Variants in IL11RA observed in about 807,000 individuals in gnomAD.
IL11RA encodes the protein interleukin-11 receptor subunit alpha.
A neutral mutation model predicts 57.0 loss-of-function variants in IL11RA; 51 were observed. The ratio of observed to expected loss-of-function variants is 0.89; its 90% CI spans 0.71 to 1.13. The LOEUF (loss-of-function observed/expected upper bound fraction) is 1.13. IL11RA is among the 50% of genes most tolerant of loss of function. The pLI is 0.00. For synonymous variants in IL11RA, 199 were observed against 217.5 expected (o/e 0.91, Z 0.75); for missense variants, 498 against 539.4 (o/e 0.92, Z 0.76).
Position 34,658,337 on chromosome 9 carries a change from C to T in IL11RA, c.647-183C>T, listed in dbSNP as rs146338232. On this transcript the variant is annotated intron_variant, in intron 7 of 12. Coordinates refer to ENST00000441545, the MANE Select transcript of IL11RA (RefSeq NM_001142784.3). The surrounding 1 kb of genome is among the most constrained non-coding windows in gnomAD (Gnocchi z 4.0). ...GATTACAGGCATGAGCCACCACACG[C>T]GGCCTCAGCCCATTTCATAATACAG... is the stretch of plus-strand genomic sequence containing the variant. 1.4e-4 allele frequency among the ~76,000 whole-genome samples: 22 copies of T among 152,318 alleles called. No homozygotes were observed. In the East Asian group the frequency reaches 3.1e-3, roughly 21 times the overall value.
At chr9:34,659,982 G>T (rs768122070) in intron 9 of IL11RA, 82 bp downstream of exon 9, 3 of 1,536,298 alleles carry the variant, frequency 2.0e-6, no homozygotes, top group Non-Finnish European at 2.7e-6. Context: ...AGACAGGCAG[G>T]TGGCACATGC....
At position 34,658,513 on chromosome 9, in the gene IL11RA, C is replaced by T. The variant is rs760834897; in HGVS notation, c.647-7C>T. ...CCTACCCTGACTTTGTGTCTTGATGCCCTTAGTGCGCCCTGACCCACCCCA... is the reference window on the plus strand; with the variant it reads ...CCTACCCTGACTTTGTGTCTTGATGTCCTTAGTGCGCCCTGACCCACCCCA... On this transcript the variant is annotated splice_region_variant and splice_polypyrimidine_tract_variant and intron_variant, in intron 7 of 12. Coordinates refer to ENST00000441545, the MANE Select transcript of IL11RA (RefSeq NM_001142784.3). This position sits in a 1 kb window ranked among gnomAD's most constrained non-coding sequence, Gnocchi z 4.0. The T allele has an allele frequency of 3.7e-6, 6 of 1,614,146 alleles. No individual in the cohort carries two copies. Among genetic ancestry groups the T allele is most frequent in the Non-Finnish European group, 8.5e-7 (1 of 1,179,986 alleles).
intron 9 of IL11RA, 36 bp from the exon 10 acceptor site, chr9:34,660,238 G>T (rs1199128248): frequency 3.7e-6 from 6 of 1,613,952 alleles, no homozygotes. Flanking sequence ...GTCCCCACCA[G>T]CGTATGGACA....
At chr9:34,655,815 C>T in intron 3 of IL11RA, 150 bp downstream of exon 3, 1 of 738,632 alleles carries the variant, frequency 1.4e-6, no homozygotes, top group South Asian at 1.5e-5. Context: ...CCTTATTCAA[C>T]AGAAAATTCA....
rs1821459771 is a variant in IL11RA at position 34,661,659 on chromosome 9, GGTGCTT to G, written c.*164_*169del. 1.2e-6 allele frequency: 1 copy of G among 839,292 alleles called. No homozygotes were observed. The highest frequency in any genetic ancestry group is 2.0e-6 in the Non-Finnish European group (1 of 501,332). The allele number at this position is 839,292 out of a possible 1,614,324, so 52.0% of individuals were successfully genotyped here. ...CTGTATTTCAAATTTGCAGCTGAAAGGTGCTTGTACCTCTGATTTCACCCCAGAGTT... is the reference window on the plus strand; with the variant it reads ...CTGTATTTCAAATTTGCAGCTGAAAGGTACCTCTGATTTCACCCCAGAGTT... On this transcript the variant is annotated 3_prime_UTR_variant, in exon 13 of 13. Coordinates refer to ENST00000441545, the MANE Select transcript of IL11RA (RefSeq NM_001142784.3).
chr9:34,657,101 G>T lies in IL11RA; in HGVS notation c.398G>T (p.Ser133Ile). 6.2e-7 allele frequency: 1 copy of T among 1,614,184 alleles called. No individual in the cohort carries two copies. Among genetic ancestry groups the T allele is most frequent in the Non-Finnish European group, 8.5e-7 (1 of 1,180,038 alleles). ...TATGAGAACTTCTCTTGCACTTGGA[G>T]TCCCAGCCAGATCAGCGGTTTACCC... is the stretch of plus-strand genomic sequence containing the variant. Reference protein sequence around the residue: ...ADYENFSCTWSPSQISGLPTR... With the variant: ...ADYENFSCTWIPSQISGLPTR... The change falls in exon 5 of 13, where the codon AGT (serine) becomes ATT (isoleucine). Residue 133 changes from serine to isoleucine, a missense_variant. Coordinates refer to ENST00000441545, the MANE Select transcript of IL11RA (RefSeq NM_001142784.3).
In IL11RA at chr9:34,657,131, G is replaced by T; in HGVS notation, c.428G>T (p.Arg143Leu). ...SPSQISGLPTRYLTSYRKKTV... is the reference protein window; with the variant it reads ...SPSQISGLPTLYLTSYRKKTV... ...AGCCAGATCAGCGGTTTACCCACCCGCTACCTCACCTCCTACAGGTGTGTG... is the reference window on the plus strand; with the variant it reads ...AGCCAGATCAGCGGTTTACCCACCCTCTACCTCACCTCCTACAGGTGTGTG... The change falls in exon 5 of 13, where the codon CGC becomes CTC. Residue 143 changes from arginine (R) to leucine (L), a missense_variant. Coordinates refer to ENST00000441545, the MANE Select transcript of IL11RA (RefSeq NM_001142784.3). 6.2e-7 allele frequency: 1 copy of T among 1,613,920 alleles called. No homozygotes were observed. Among genetic ancestry groups the T allele is most frequent in the Non-Finnish European group, 8.5e-7 (1 of 1,179,814 alleles).
chr9:34,655,847 G>A (rs959784790), intron 3 of IL11RA, 182 bp downstream of exon 3: 7 of 670,498 alleles, frequency 1.0e-5, no homozygotes, highest in African/African-American at 8.8e-5. Flanking sequence ...TTGAGCATCT[G>A]CCAAGTGCCA....
Position 34,653,223 on chromosome 9 carries a change from C to T in IL11RA, c.-1+990C>T, listed in dbSNP as rs944017100. On this transcript the variant is annotated intron_variant, in intron 1 of 12. Coordinates refer to ENST00000441545, the MANE Select transcript of IL11RA (RefSeq NM_001142784.3). This position sits in a 1 kb window ranked among gnomAD's most constrained non-coding sequence, Gnocchi z 4.5. ...TAGGGGCTGTGTGCGTGTGTGACTG[C>T]GTGAGTGTATGAATATGTGTAAGTG... Among the ~76,000 whole-genome samples, 6 of 152,150 alleles carry T rather than the reference C, an allele frequency of 3.9e-5. No individual in the cohort carries two copies. The highest frequency in any genetic ancestry group is 2.1e-4 in the South Asian group (1 of 4,810).
rs1234076205 is a variant in IL11RA, at chr9:34,656,903, T to G, written c.326T>G (p.Leu109Arg). The part of the protein sequence containing the change: ...GALGGTVTLQ[L>R]GYPPARPVVS... ...CTTGGGGGCACAGTGACCCTGCAGC[T>G]GGGCTGTGAGTTGGGGAGGGTGGCA... The change falls in exon 4 of 13, where the codon CTG becomes CGG. Residue 109 changes from leucine to arginine, a missense_variant. Coordinates refer to ENST00000441545, the MANE Select transcript of IL11RA (RefSeq NM_001142784.3). 1 of 1,614,114 alleles carries G rather than the reference T, an allele frequency of 6.2e-7. No individual in the cohort carries two copies. Among genetic ancestry groups the G allele is most frequent in the East Asian group, 2.2e-5 (1 of 44,868 alleles).
chr9:34,656,620 A>C (rs1024324279), intron 3 of IL11RA, 119 bp from the exon 4 acceptor site: 1 of 1,138,634 alleles, frequency 8.8e-7, no homozygotes, highest in Non-Finnish European at 1.3e-6. Flanking sequence ...TTTGAAAGCC[A>C]GTAAAAGGAA....
Position 34,658,835 on chromosome 9 carries a change from A to G in IL11RA, c.810+152A>G. On this transcript the variant is annotated intron_variant, in intron 8 of 12. Transcript: ENST00000441545. The surrounding 1 kb of genome is among the most constrained non-coding windows in gnomAD (Gnocchi z 4.0). ...GGCTTTGTACTGGGTGCTGGGTTGC[A>G]GTGGTGACTGAGAGACTGAATGTCT... 1 of 822,314 alleles carries G rather than the reference A, an allele frequency of 1.2e-6. No individual in the cohort carries two copies. Among genetic ancestry groups the G allele is most frequent in the Admixed American group, 2.0e-5 (1 of 49,790 alleles). 50.9% of individuals were successfully genotyped at this position (822,314 alleles called of 1,614,324 possible).
rs1821316981 is a variant in IL11RA, at chr9:34,655,066, C to G, written c.1-152C>G. On this transcript the variant is annotated intron_variant, in intron 1 of 12. Transcript: ENST00000441545. ...CTGGGTATACAGTGGGAAAGGGGAC[C>G]TCAGGTCAGTTCCCGCAGTGATTTC... 6 of 684,462 alleles carry G rather than the reference C, an allele frequency of 8.8e-6. No individual in the cohort carries two copies. The East Asian group carries it at 1.6e-4, about 19-fold the overall frequency. The allele number at this position is 684,462 out of a possible 1,614,324, so 42.4% of individuals were successfully genotyped here. A position where few individuals can be genotyped will look rare whatever the true frequency, so the allele number is the denominator to read the frequency against.
rs772519921 is a variant in IL11RA at position 34,658,571 on chromosome 9, C to T, written c.698C>T (p.Pro233Leu). The change falls in exon 8 of 13, where the codon CCC (proline) becomes CTC (leucine). Residue 233 changes from proline (P) to leucine (L), a missense_variant. By Grantham distance (98) the Pro-to-Leu change is moderately conservative. Coordinates refer to ENST00000441545, the MANE Select transcript of IL11RA (RefSeq NM_001142784.3). The surrounding 1 kb of genome is among the most constrained non-coding windows in gnomAD (Gnocchi z 4.0). ...GLRVESVPGYPRRLRASWTYP... is the reference protein window; with the variant it reads ...GLRVESVPGYLRRLRASWTYP... ...CGGGTAGAGTCAGTACCAGGTTACC[C>T]CCGACGCCTGCGAGCCAGCTGGACA... 7 of 1,614,156 alleles carry T rather than the reference C, an allele frequency of 4.3e-6. No individual in the cohort carries two copies. Among genetic ancestry groups the T allele is most frequent in the Non-Finnish European group, 5.9e-6 (7 of 1,180,034 alleles).
chr9:34,659,807 C>G lies in IL11RA; in HGVS notation c.859C>G (p.Leu287Val), dbSNP rs1269340905. The G allele has an allele frequency of 1.2e-6, 2 of 1,614,180 alleles. No individual in the cohort carries two copies. Among genetic ancestry groups the G allele is most frequent in the Admixed American group, 1.7e-5 (1 of 60,030 alleles). ...EEVITDAVAG[L>V]PHAVRVSARD... ...GGTGATCACAGATGCTGTGGCTGGG[C>G]TGCCCCATGCTGTACGAGTCAGTGC... Residue 287 changes from leucine to valine, a missense_variant, in exon 9 of 13, where the codon CTG becomes GTG. Leu to Val is a conservative substitution (Grantham distance 32). Coordinates refer to ENST00000441545, the MANE Select transcript of IL11RA (RefSeq NM_001142784.3).
At chr9:34,654,396 C>T (rs1166497522) in intron 1 of IL11RA, among the ~76,000 whole-genome samples, 1 of 152,142 alleles carries the variant, frequency 6.6e-6, no homozygotes, top group East Asian at 1.9e-4. Context: ...ATGCCTGTCC[C>T]TGCAGGCTCC....
Position 34,661,618 on chromosome 9 carries a change from C to A in IL11RA, c.*120C>A. 1 of 1,126,020 alleles carries A rather than the reference C, an allele frequency of 8.9e-7. No individual in the cohort carries two copies. Among genetic ancestry groups the A allele is most frequent in the Non-Finnish European group, 1.4e-6 (1 of 740,484 alleles). The allele number at this position is 1,126,020 out of a possible 1,614,324, so 69.8% of individuals were successfully genotyped here. A position where few individuals can be genotyped will look rare whatever the true frequency, so the allele number is the denominator to read the frequency against. ...CTCAGCTGGAAGTTCTGTTTGGAGCCCATTTCTGTGAGACCCTGTATTTCA... is the reference window on the plus strand; with the variant it reads ...CTCAGCTGGAAGTTCTGTTTGGAGCACATTTCTGTGAGACCCTGTATTTCA... On this transcript the variant is annotated 3_prime_UTR_variant, in exon 13 of 13. Transcript: ENST00000441545.
Position 34,655,300 on chromosome 9 carries a change from A to G in IL11RA, c.83A>G (p.Gln28Arg), listed in dbSNP as rs762196532. The G allele has an allele frequency of 3.2e-6, 5 of 1,559,022 alleles. No individual in the cohort carries two copies. The East Asian group carries it at 1.2e-4, about 37-fold the overall frequency. ...GTGTCTGCCTCCTCCCCCTGCCCCC[A>G]GGCCTGGGGCCCCCCAGGTGAGAAG... The part of the protein sequence containing the change: ...ALVSASSPCP[Q>R]AWGPPGVQYG... The change falls in exon 2 of 13, where the codon CAG becomes CGG. Residue 28 changes from glutamine (Q) to arginine (R), a missense_variant. By Grantham distance (43) the Gln-to-Arg change is conservative (BLOSUM62 1). Coordinates refer to ENST00000441545, the MANE Select transcript of IL11RA (RefSeq NM_001142784.3).
rs11575581 is a variant in IL11RA, at chr9:34,660,951, CAGA to C, written c.1252+19_1252+21del. 57,831 of 1,602,010 alleles carry C rather than the reference CAGA, an allele frequency of 0.036. 1,482 individuals carry two copies. Among genetic ancestry groups the C allele is most frequent in the South Asian group, 0.1 (9,460 of 90,780 alleles). On this transcript the variant is annotated intron_variant, in intron 12 of 12. Coordinates refer to ENST00000441545, the MANE Select transcript of IL11RA (RefSeq NM_001142784.3). ...CAGGCGTCCAGGTGAGTAGGACATCCAGAAGATTTGGACTTGGAGATGTTTGCC... is the reference window on the plus strand; with the variant it reads ...CAGGCGTCCAGGTGAGTAGGACATCCAGATTTGGACTTGGAGATGTTTGCC...
Sources: gnomAD v4.1 joint callset for allele counts (sites outside exome capture counted in the v4.1 genomes callset) on GRCh38, gnomAD v4.1.1 for gene constraint, Gnocchi (gnomAD v3.1) non-coding constraint, MANE v1.5 for transcripts, NCBI Gene and HGNC (gene_info 2026-07-23, HGNC 2026-07-21) for gene names.